ZFHX3: variants seen among roughly 807,000 people sequenced by gnomAD.
ZFHX3 encodes the protein zinc finger homeobox protein 3.
In ZFHX3, 42 loss-of-function variants were observed where a neutral mutation model predicts 279.1. The observed-to-expected ratio is 0.15, with a 90% CI of 0.12 to 0.19. ZFHX3 has a LOEUF of 0.19. ZFHX3 is among the 10% of genes least tolerant of loss of function. The pLI, the probability that ZFHX3 is intolerant of heterozygous loss-of-function variation, is 1.00. For synonymous variants in ZFHX3, 2,293 were observed against 1,957.8 expected (o/e 1.17, Z -4.52); for missense variants, 4,981 against 4,754.0 (o/e 1.05, Z -1.40).
At position 72,787,395 on chromosome 16, in the gene ZFHX3, C is replaced by T. The variant is rs892312481; in HGVS notation, c.10881G>A (p.Ala3627=). ...AGAGAGGAGGAAAAGAAGGGGGCTT[C>T]GCTGCCGAAGCCCGGGAGACCACTT... ...WPQVVSRASA[A]KPPSFPPLSS... The change falls in exon 10 of 10, where the codon GCG becomes GCA. Residue 3627 remains alanine (A), a synonymous_variant. Coordinates refer to ENST00000268489, the MANE Select transcript of ZFHX3 (RefSeq NM_006885.4). The T allele has an allele frequency of 5.0e-6, 8 of 1,601,980 alleles. No individual in the cohort carries two copies. The highest frequency in any genetic ancestry group is 2.3e-5 in the East Asian group (1 of 44,408).
At chr16:73,432,665 C>A (rs1006819320) in intron 3 of ZFHX3, among the ~76,000 whole-genome samples, 6 of 152,264 alleles carry the variant, frequency 3.9e-5, no homozygotes, top group African/African-American at 1.4e-4. Context: ...TAAGTAGAAG[C>A]CATTAAGATA....
chr16:73,545,868 G>A (rs779978469), intron 2 of ZFHX3, among the ~76,000 whole-genome samples: 8 of 151,850 alleles, frequency 5.3e-5, no homozygotes, highest in Non-Finnish European at 1.2e-4. Context: ...CATTAATTTG[G>A]CTGAACAACA....
At chr16:73,059,945 G>T (rs970703030), upstream of ZFHX3, among the ~76,000 whole-genome samples, 4 of 152,146 alleles carry the variant, frequency 2.6e-5, no homozygotes, top group African/African-American at 4.8e-5. Flanking sequence ...GATAACTTCA[G>T]GAAAGACAAG....
intron 3 of ZFHX3, among the ~76,000 whole-genome samples, chr16:73,416,769 G>T: frequency 6.8e-6 from 1 of 146,038 alleles, no homozygotes; most frequent in Non-Finnish European, 1.5e-5. Flanking sequence ...AGCTACCAGG[G>T]AGGCTGAAGC....
chr16:73,181,307 G>A (rs1337417591), intron 5 of ZFHX3, among the ~76,000 whole-genome samples: 1 of 151,662 alleles, frequency 6.6e-6, no homozygotes, highest in Non-Finnish European at 1.5e-5. Context: ...CTCCATGTTG[G>A]TCTCCATCTC....
At chr16:73,346,350 G>A (rs528023076) in intron 3 of ZFHX3, among the ~76,000 whole-genome samples, 32 of 152,170 alleles carry the variant, frequency 2.1e-4, no homozygotes, top group Non-Finnish European at 4.4e-4. Context: ...CACCATGGAT[G>A]CACAGGGCCC....
At chr16:73,483,111 C>T (rs565620161) in intron 2 of ZFHX3, among the ~76,000 whole-genome samples, 6 of 152,178 alleles carry the variant, frequency 3.9e-5, no homozygotes, top group African/African-American at 9.6e-5. Context: ...ACATCCCCTC[C>T]TCTGAATGTG....
At chr16:73,201,152 G>A (rs936878193) in intron 5 of ZFHX3, among the ~76,000 whole-genome samples, 3 of 152,222 alleles carry the variant, frequency 2.0e-5, no homozygotes, top group Non-Finnish European at 4.4e-5. Flanking sequence ...AGCTGAGACA[G>A]TGAGAGCCAA....
At chr16:73,728,005 G>A (rs1411317239) in intron 1 of ZFHX3, among the ~76,000 whole-genome samples, 1 of 78,164 alleles carries the variant, frequency 1.3e-5, no homozygotes. Flanking sequence ...CCTTTTATGA[G>A]CCGAATTGTG....
At chr16:72,970,570 G>C (rs2144507364) in intron 1 of ZFHX3, among the ~76,000 whole-genome samples, 1 of 152,194 alleles carries the variant, frequency 6.6e-6, no homozygotes, top group Non-Finnish European at 1.5e-5. Context: ...AAATACCATT[G>C]CTTTACCTGA....
intron 3 of ZFHX3, among the ~76,000 whole-genome samples, chr16:73,332,067 A>G (rs1244358969): frequency 6.6e-6 from 1 of 152,236 alleles, no homozygotes; most frequent in African/African-American, 2.4e-5. Flanking sequence ...TGGCTTTTAT[A>G]GAGCCTGATC....
Position 73,418,679 on chromosome 16 carries a change from C to T in ZFHX3, c.-1291+37324G>A, listed in dbSNP as rs142546201. On this transcript the variant is annotated intron_variant, in intron 3 of 17. Coordinates refer to the ZFHX3 transcript ENST00000641206. ...ATTTGCAGAAGGGGTGGGAATGTGG[C>T]TTTGTCCGTATTTCCAAATGTAAAA... 3.3e-5 allele frequency among the ~76,000 whole-genome samples: 5 copies of T among 152,292 alleles called. No homozygotes were observed. In the East Asian group the frequency reaches 9.6e-4, roughly 29 times the overall value.
chr16:73,846,299 G>C (rs546731447), intron 1 of ZFHX3, among the ~76,000 whole-genome samples: 23 of 152,276 alleles, frequency 1.5e-4, no homozygotes, highest in Admixed American at 6.5e-4. Flanking sequence ...GACACGGAAG[G>C]CTTAAAAAAT....
chr16:73,207,295 C>A (rs1353206018), intron 5 of ZFHX3, among the ~76,000 whole-genome samples: 1 of 152,142 alleles, frequency 6.6e-6, no homozygotes, highest in Non-Finnish European at 1.5e-5. Flanking sequence ...CAAGTTCATT[C>A]TTCTGTTACT....
At chr16:73,440,604 C>T (rs549731042) in intron 3 of ZFHX3, among the ~76,000 whole-genome samples, 12 of 152,330 alleles carry the variant, frequency 7.9e-5, no homozygotes, top group African/African-American at 2.4e-4. Flanking sequence ...TATTGATTCA[C>T]AGTGGTGCCT....
At chr16:73,802,547 A>G (rs1350630024) in intron 1 of ZFHX3, among the ~76,000 whole-genome samples, 3 of 152,194 alleles carry the variant, frequency 2.0e-5, no homozygotes, top group African/African-American at 7.2e-5. Context: ...AGCCTACACT[A>G]AACTCAGGGA....
chr16:73,042,272 C>T (rs1230415226), intron 1 of ZFHX3, among the ~76,000 whole-genome samples: 2 of 152,162 alleles, frequency 1.3e-5, no homozygotes, highest in African/African-American at 4.8e-5. Flanking sequence ...CCTCCTGCCT[C>T]TCCACTAAGG....
chr16:73,242,475 G>A (rs1254554651), intron 5 of ZFHX3, among the ~76,000 whole-genome samples: 1 of 152,178 alleles, frequency 6.6e-6, no homozygotes, highest in Non-Finnish European at 1.5e-5. Flanking sequence ...CACTGAGTGT[G>A]AGTTTTTCGT....
chr16:73,274,800 A>G (rs543394276), intron 4 of ZFHX3, among the ~76,000 whole-genome samples: 1 of 152,334 alleles, frequency 6.6e-6, no homozygotes, highest in East Asian at 1.9e-4. Flanking sequence ...TTTATGCCAC[A>G]GTAATTACCA....
Sources: gnomAD v4.1 joint callset for allele counts (sites outside exome capture counted in the v4.1 genomes callset) on GRCh38, gnomAD v4.1.1 for gene constraint, MANE v1.5 for transcripts, NCBI Gene and HGNC (gene_info 2026-07-23, HGNC 2026-07-21) for gene names.